Variants in ASTN2 observed in about 807,000 individuals in gnomAD.
ASTN2 encodes the protein astrotactin 2, also known as astrotactin-2.
A neutral mutation model predicts 139.8 loss-of-function variants in ASTN2; 54 were observed. That is an observed-to-expected ratio of 0.39 (90% CI 0.31 to 0.48). The LOEUF (loss-of-function observed/expected upper bound fraction) is 0.48. ASTN2 is among the 20% of genes least tolerant of loss of function. The probability of loss-of-function intolerance (pLI) is 0.95; values close to 1 mark genes in which losing one functional copy is unlikely to be tolerated. For missense variants in ASTN2, 1,565 were observed against 1,725.1 expected (o/e 0.91, Z 1.64); for synonymous variants, 756 against 719.5 (o/e 1.05, Z -0.81).
intron 10 of ASTN2, among the ~76,000 whole-genome samples, chr9:116,939,734 T>C (rs2038963753): frequency 6.6e-6 from 1 of 152,130 alleles, no homozygotes; most frequent in Non-Finnish European, 1.5e-5. Flanking sequence ...CAATGTGGTC[T>C]CATAAAGCTC....
chr9:117,099,941 G>A (rs571520199), intron 4 of ASTN2, among the ~76,000 whole-genome samples: 35 of 152,318 alleles, frequency 2.3e-4, no homozygotes, highest in African/African-American at 7.7e-4. Flanking sequence ...CTGTCTACCT[G>A]CAAAGCTTGC....
chr9:116,603,175 C>T (rs1250707500), intron 19 of ASTN2, among the ~76,000 whole-genome samples: 2 of 152,082 alleles, frequency 1.3e-5, no homozygotes, highest in Non-Finnish European at 2.9e-5. Context: ...GAGGCTGATA[C>T]AAGCAGTGAT....
intron 10 of ASTN2, among the ~76,000 whole-genome samples, chr9:116,903,978 T>G (rs1564332801): frequency 1.3e-5 from 2 of 152,196 alleles, no homozygotes; most frequent in Non-Finnish European, 1.5e-5. Flanking sequence ...TGATCAATGT[T>G]CATGTCTCAG....
intron 20 of ASTN2, among the ~76,000 whole-genome samples, chr9:116,480,733 A>G (rs1849140529): frequency 6.6e-6 from 1 of 152,202 alleles, no homozygotes; most frequent in South Asian, 2.1e-4. Flanking sequence ...GGGAAGAGTC[A>G]AGGGAAGGAC....
At chr9:117,021,226 T>G (rs2225361) in intron 6 of ASTN2, among the ~76,000 whole-genome samples, 101,709 of 151,954 alleles carry the variant, frequency 0.67, 35,049 homozygotes, top group Middle Eastern at 0.81. Context: ...AATGTGAAGT[T>G]TCTGACATAG....
At chr9:117,203,733 A>C (rs1831813130) in intron 3 of ASTN2, among the ~76,000 whole-genome samples, 1 of 151,894 alleles carries the variant, frequency 6.6e-6, no homozygotes, top group Admixed American at 6.6e-5. Context: ...GCCTGTTCCT[A>C]CCTCTGGGAC....
At position 116,487,208 on chromosome 9, in the gene ASTN2, G is replaced by A. The variant is rs192674467; in HGVS notation, c.3497+151C>T. On this transcript the variant is annotated intron_variant, in intron 20 of 22. Coordinates refer to ENST00000313400, the MANE Select transcript of ASTN2 (RefSeq NM_001365068.1). ...ATCCATTGTGGCATACTTCTCAAAT[G>A]GACACTTCTAAACCTTAGAATCTCA... is the stretch of plus-strand genomic sequence containing the variant. 4.2e-4 allele frequency: 425 copies of A among 1,001,484 alleles called. 2 individuals are homozygous for A. The African/African-American group carries it at 5.2e-3, about 12-fold the overall frequency. The allele number at this position is 1,001,484 out of a possible 1,614,324, so 62.0% of individuals were successfully genotyped here. A position where few individuals can be genotyped will look rare whatever the true frequency, so the allele number is the denominator to read the frequency against.
chr9:117,045,664 A>G (rs534724494), intron 5 of ASTN2, among the ~76,000 whole-genome samples: 6 of 152,302 alleles, frequency 3.9e-5, no homozygotes, highest in Admixed American at 2.6e-4. Flanking sequence ...GGAGAAAATG[A>G]AATTTAAGTT....
chr9:116,986,924 G>A lies in ASTN2; in HGVS notation c.1592-10139C>T, dbSNP rs531510372. 7.9e-5 allele frequency among the ~76,000 whole-genome samples: 12 copies of A among 152,312 alleles called. No individual in the cohort carries two copies. The South Asian group carries it at 2.3e-3, about 29-fold the overall frequency. Reference sequence around the variant, plus strand: ...AATGGTGGGCCCTTTTGCTTTGCTGGATCAGTGGGGAATACTGCAGGCACA... The same window carrying A: ...AATGGTGGGCCCTTTTGCTTTGCTGAATCAGTGGGGAATACTGCAGGCACA... On this transcript the variant is annotated intron_variant, in intron 7 of 22. Coordinates refer to ENST00000313400, the MANE Select transcript of ASTN2 (RefSeq NM_001365068.1).
chr9:117,003,041 G>T (rs541502736), intron 7 of ASTN2, among the ~76,000 whole-genome samples: 23 of 152,244 alleles, frequency 1.5e-4, no homozygotes, highest in African/African-American at 5.3e-4. Context: ...TTCTTTTTCT[G>T]TGAAAGGGAC....
At chr9:117,254,330 C>T (rs1257364354) in intron 2 of ASTN2, among the ~76,000 whole-genome samples, 1 of 152,290 alleles carries the variant, frequency 6.6e-6, no homozygotes, top group Admixed American at 6.5e-5. Flanking sequence ...TGATTAATAT[C>T]CTTAAGTAGC....
intron 19 of ASTN2, among the ~76,000 whole-genome samples, chr9:116,490,763 C>T (rs1480294239): frequency 6.6e-6 from 1 of 152,000 alleles, no homozygotes. Flanking sequence ...GGGTAACCAC[C>T]CCCATAATCT....
intron 3 of ASTN2, among the ~76,000 whole-genome samples, chr9:117,171,399 G>C (rs1295114145): frequency 6.6e-6 from 1 of 152,130 alleles, no homozygotes; most frequent in Non-Finnish European, 1.5e-5. Context: ...TCTATAAAAT[G>C]AAACTAATAA....
intron 4 of ASTN2, among the ~76,000 whole-genome samples, chr9:117,112,766 T>C (rs1390545750): frequency 6.6e-6 from 1 of 152,064 alleles, no homozygotes; most frequent in East Asian, 1.9e-4. Flanking sequence ...AACTGGAGTT[T>C]AGAAAAATGA....
At chr9:117,168,345 C>A (rs964405158) in intron 3 of ASTN2, among the ~76,000 whole-genome samples, 1 of 152,266 alleles carries the variant, frequency 6.6e-6, no homozygotes, top group South Asian at 2.1e-4. Context: ...AGTGTCTTCA[C>A]TTCCACAAGG....
At chr9:116,769,913 TG>T (rs34518529) in intron 13 of ASTN2, among the ~76,000 whole-genome samples, 129,421 of 151,770 alleles carry the variant, frequency 0.85, 56,301 homozygotes, top group Non-Finnish European at 0.94. Flanking sequence ...GGCATGGTGG[TG>T]GGGTGCCTTT....
At chr9:116,789,983 T>C (rs1373249950) in intron 13 of ASTN2, among the ~76,000 whole-genome samples, 2 of 145,436 alleles carry the variant, frequency 1.4e-5, no homozygotes, top group Non-Finnish European at 3.0e-5. Flanking sequence ...TAGAGTGCAG[T>C]GGCGTGGTCT....
At chr9:116,455,042 A>AT (rs1177673077) in intron 20 of ASTN2, among the ~76,000 whole-genome samples, 3 of 144,786 alleles carry the variant, frequency 2.1e-5, no homozygotes, top group East Asian at 2.8e-4. Context: ...TATAATAATA[A>AT]AAAAAAAAAA....
intron 19 of ASTN2, among the ~76,000 whole-genome samples, chr9:116,595,871 G>A (rs183850672): frequency 6.6e-6 from 1 of 152,086 alleles, no homozygotes; most frequent in South Asian, 2.1e-4. Context: ...CAGTATGCAG[G>A]TTCCTGAAAA....
Sources: allele counts gnomAD v4.1 joint callset (sites outside exome capture counted in the v4.1 genomes callset), GRCh38; gene constraint gnomAD v4.1.1; transcripts MANE v1.5; gene names NCBI Gene and HGNC (gene_info 2026-07-23, HGNC 2026-07-21).